CORO7: variants seen among roughly 807,000 people sequenced by gnomAD.
CORO7 encodes the protein coronin 7.
CORO7 carries 107 observed loss-of-function variants against 126.6 expected under a neutral mutation model. The ratio of observed to expected loss-of-function variants is 0.85; its 90% CI spans 0.72 to 0.99. CORO7 has a LOEUF of 0.99. Ranked by LOEUF, CORO7 falls within the 50% of genes least tolerant of loss-of-function variation. The pLI, the probability that CORO7 is intolerant of heterozygous loss-of-function variation, is 0.00. For missense variants in CORO7, 1,314 were observed against 1,255.8 expected (o/e 1.05, Z -0.70); for synonymous variants, 603 against 536.8 (o/e 1.12, Z -1.70).
intron 19 of CORO7, 134 bp downstream of exon 19, chr16:4,360,809 G>A (rs2054148892): frequency 2.0e-6 from 3 of 1,475,566 alleles, no homozygotes; most frequent in Admixed American, 4.3e-5. Flanking sequence ...CTCACTGCTG[G>A]CCCCACCCCT....
Position 4,409,401 on chromosome 16 carries a change from T to C in CORO7, c.233-1150A>G, listed in dbSNP as rs370376286. Among the ~76,000 whole-genome samples, 88 of 152,304 alleles carry C rather than the reference T, an allele frequency of 5.8e-4. 1 individual carries two copies. The highest frequency in any genetic ancestry group is 2.0e-3 in the African/African-American group (85 of 41,566). ...CAGGTCCCTGGGCAGGTGTAGCAGC[T>C]GGCACAGGCGGGCTGGCATCTCAGG... On this transcript the variant is annotated intron_variant, in intron 3 of 27. Coordinates refer to ENST00000251166, the MANE Select transcript of CORO7 (RefSeq NM_024535.5).
In CORO7 at chr16:4,405,518, A is replaced by G; in HGVS notation, c.537T>C (p.Asp179=). The G allele has an allele frequency of 6.2e-7, 1 of 1,612,942 alleles. No homozygotes were observed. The highest frequency in any genetic ancestry group is 8.5e-7 in the Non-Finnish European group (1 of 1,179,912). Residue 179 remains aspartate, a synonymous_variant, in exon 6 of 28, where the codon GAT becomes GAC. Coordinates refer to ENST00000251166, the MANE Select transcript of CORO7 (RefSeq NM_024535.5). The part of the protein sequence containing the change: ...DLVQSAVWSR[D]GALVGTACKD... Reference sequence around the variant, plus strand: ...TGCACGCCGTGCCCACCAGGGCTCCATCTCGGCTCCAGACGGCGCTCTGCA... The same window carrying G: ...TGCACGCCGTGCCCACCAGGGCTCCGTCTCGGCTCCAGACGGCGCTCTGCA...
chr16:4,391,505 G>A (rs903598497), intron 7 of CORO7, among the ~76,000 whole-genome samples: 3 of 152,190 alleles, frequency 2.0e-5, no homozygotes, highest in East Asian at 1.9e-4. Flanking sequence ...GCAGTGAGCC[G>A]AGACTGTGCC....
In CORO7 at chr16:4,361,969, G is replaced by A; in HGVS notation, c.1578+16C>T. The A allele has an allele frequency of 6.3e-7, 1 of 1,591,886 alleles. No individual in the cohort carries two copies. The highest frequency in any genetic ancestry group is 8.5e-7 in the Non-Finnish European group (1 of 1,169,922). On this transcript the variant is annotated intron_variant, in intron 16 of 27. Coordinates refer to ENST00000251166, the MANE Select transcript of CORO7 (RefSeq NM_024535.5). ...CAGGGAACTGAGGGGCAGCCCTGGT[G>A]GGGTGGGGCCCTCACCTCAAGCACA...
In CORO7 at chr16:4,360,947, T is replaced by C. The variant is rs748675881; in HGVS notation, c.1913A>G (p.Asp638Gly). ...ADRLKLQGHQDQIFSLAWSPD... is the reference protein window; with the variant it reads ...ADRLKLQGHQGQIFSLAWSPD... ...CCACCTCTGCAGCCGTCCTACCTGG[T>C]CTTGGTGGCCCTGCAGCTTCAGCCG... Residue 638 changes from aspartate (D) to glycine (G), a missense_variant, in exon 19 of 28, where the codon GAC becomes GGC. Coordinates refer to ENST00000251166, the MANE Select transcript of CORO7 (RefSeq NM_024535.5). 1.2e-6 allele frequency: 2 copies of C among 1,610,776 alleles called. No individual in the cohort carries two copies. Among genetic ancestry groups the C allele is most frequent in the East Asian group, 4.5e-5 (2 of 44,868 alleles).
At chr16:4,375,221 G>A (rs1201302074) in intron 9 of CORO7, among the ~76,000 whole-genome samples, 3 of 152,152 alleles carry the variant, frequency 2.0e-5, no homozygotes, top group Admixed American at 6.5e-5. Flanking sequence ...AGTCACCCAC[G>A]GTGCTACTGA....
rs1328591266 is a variant in CORO7, at chr16:4,416,461, C to T, written c.58G>A (p.Glu20Lys). The T allele has an allele frequency of 1.3e-6, 2 of 1,573,760 alleles. No homozygotes were observed. The highest frequency in any genetic ancestry group is 1.7e-6 in the Non-Finnish European group (2 of 1,164,068). ...RHTEARPPRR[E>K]SWISDIRAGT... Reference sequence around the variant, plus strand: ...CCCGGTCCTCGGGCCGGACTCACCTCGCGGCGGGGCGGCCGAGCCTCGGTG... The same window carrying T: ...CCCGGTCCTCGGGCCGGACTCACCTTGCGGCGGGGCGGCCGAGCCTCGGTG... Residue 20 changes from glutamate (E) to lysine (K), a missense_variant and splice_region_variant, in exon 1 of 28, where the codon GAG becomes AAG. By Grantham distance (56) the Glu-to-Lys change is moderately conservative (BLOSUM62 1). Coordinates refer to ENST00000251166, the MANE Select transcript of CORO7 (RefSeq NM_024535.5).
chr16:4,374,514 TTTAA>T (rs1301851451), intron 9 of CORO7, among the ~76,000 whole-genome samples: 1 of 151,902 alleles, frequency 6.6e-6, no homozygotes, highest in Non-Finnish European at 1.5e-5. Context: ...GCCTGAGAGA[TTTAA>T]TTAAGGAGGG....
intron 26 of CORO7, 96 bp from the exon 27 acceptor site, chr16:4,355,468 CTT>C (rs558470140): frequency 7.9e-3 from 8,229 of 1,043,068 alleles, no homozygotes; most frequent in Non-Finnish European, 8.7e-3. Flanking sequence ...GTGAAAAGAA[CTT>C]TTTTTTTTTT....
chr16:4,366,052 C>T (rs1286230347), intron 9 of CORO7, among the ~76,000 whole-genome samples: 3 of 152,224 alleles, frequency 2.0e-5, no homozygotes, highest in Admixed American at 6.5e-5. Context: ...TACTCAGTTA[C>T]CCCACGTTTC....
chr16:4,405,655 G>C (rs2055971735), intron 5 of CORO7, 88 bp from the exon 6 acceptor site: 3 of 1,497,576 alleles, frequency 2.0e-6, no homozygotes, highest in Non-Finnish European at 2.7e-6. Context: ...GGAACTCCCA[G>C]AGCAAAGGCA....
In CORO7 at chr16:4,362,561, G is replaced by A. The variant is rs549351335; in HGVS notation, c.1402+51C>T. On this transcript the variant is annotated intron_variant, in intron 15 of 27. Transcript: ENST00000251166. This position sits in a 1 kb window ranked among gnomAD's most constrained non-coding sequence, Gnocchi z 5.3. ...TACACAGGAGGATGACGGGGAGTGG[G>A]GCAGACAGGGCTCCTGCGGTAGGGG... 3 of 1,496,096 alleles carry A rather than the reference G, an allele frequency of 2.0e-6. No individual in the cohort carries two copies. The highest frequency in any genetic ancestry group is 1.4e-5 in the South Asian group (1 of 73,238). The allele number at this position is 1,496,096 out of a possible 1,614,324, so 92.7% of individuals were successfully genotyped here.
intron 2 of CORO7, chr16:4,412,808 G>T: frequency 3.4e-6 from 1 of 290,334 alleles, no homozygotes; most frequent in South Asian, 5.8e-5. Context: ...GGTCAGGGCC[G>T]ACAGTACATG....
intron 9 of CORO7, among the ~76,000 whole-genome samples, chr16:4,380,662 C>T (rs1237508124): frequency 6.6e-6 from 1 of 152,220 alleles, no homozygotes; most frequent in Non-Finnish European, 1.5e-5. Context: ...ATGATGACCT[C>T]TGTGTGCATT....
At chr16:4,415,657 G>A (rs2056381082) in intron 1 of CORO7, 2 of 953,196 alleles carry the variant, frequency 2.1e-6, no homozygotes, top group African/African-American at 1.8e-5. Flanking sequence ...GGACCCTGAT[G>A]GGGTCACTTG....
chr16:4,410,866 A>T (rs1294167222), intron 3 of CORO7, among the ~76,000 whole-genome samples: 2 of 152,230 alleles, frequency 1.3e-5, no homozygotes, highest in African/African-American at 4.8e-5. Flanking sequence ...TGGGCGTGGC[A>T]GCGTTCCAAT....
intron 6 of CORO7, among the ~76,000 whole-genome samples, chr16:4,402,935 G>A (rs1596332562): frequency 1.3e-5 from 2 of 152,222 alleles, no homozygotes; most frequent in Middle Eastern, 6.8e-3. Context: ...GGCTTTGGTG[G>A]TCCTGGGAGG....
chr16:4,409,580 G>A (rs1049695372), intron 3 of CORO7, among the ~76,000 whole-genome samples: 3 of 152,238 alleles, frequency 2.0e-5, no homozygotes, highest in East Asian at 1.9e-4. Flanking sequence ...GGATGAGGAC[G>A]CCAAAACCCA....
At chr16:4,386,380 C>A (rs190344599) in intron 9 of CORO7, among the ~76,000 whole-genome samples, 159 of 152,306 alleles carry the variant, frequency 1.0e-3, no homozygotes, top group African/African-American at 3.6e-3. Flanking sequence ...GGGGGCAGAG[C>A]CTGGAAGGCA....
Sources: allele counts gnomAD v4.1 joint callset (sites outside exome capture counted in the v4.1 genomes callset), GRCh38; gene constraint gnomAD v4.1.1; non-coding constraint Gnocchi (gnomAD v3.1); transcripts MANE v1.5; gene names NCBI Gene and HGNC (gene_info 2026-07-23, HGNC 2026-07-21).